Variants in NPSR1 observed in about 807,000 individuals in gnomAD.
NPSR1 encodes the protein neuropeptide S receptor 1.
A neutral mutation model predicts 46.9 loss-of-function variants in NPSR1; 48 were observed. The ratio of observed to expected loss-of-function variants is 1.02; its 90% CI spans 0.81 to 1.30. The LOEUF (loss-of-function observed/expected upper bound fraction) is 1.30, where lower values mean the gene tolerates loss of function less well. Among genes scored for constraint, NPSR1 ranks in the 50% most tolerant of loss-of-function variants. The probability of loss-of-function intolerance (pLI) is 0.00; values close to 1 mark genes in which losing one functional copy is unlikely to be tolerated. For synonymous variants in NPSR1, 176 were observed against 168.1 expected (o/e 1.05, Z -0.36); for missense variants, 450 against 449.5 (o/e 1.00, Z -0.01).
chr7:34,858,285 A>G (rs1168069796), intron 8 of NPSR1, among the ~76,000 whole-genome samples: 1 of 149,930 alleles, frequency 6.7e-6, no homozygotes, highest in East Asian at 2.5e-4. Context: ...GAGGCAAAAC[A>G]AATGCTTATT....
chr7:34,697,137 AT>A (rs577906106), intron 2 of NPSR1, among the ~76,000 whole-genome samples: 64 of 151,608 alleles, frequency 4.2e-4, no homozygotes, highest in African/African-American at 1.2e-3. Context: ...TGGATTCTTT[AT>A]TTTTTTTATA....
rs146289199 is a variant in NPSR1 at position 34,762,889 on chromosome 7, T to A, written c.281-15573T>A. Among the ~76,000 whole-genome samples the A allele has an allele frequency of 2.5e-4, 38 of 152,234 alleles. No homozygotes were observed. In the East Asian group the frequency reaches 6.4e-3, roughly 26 times the overall value. On this transcript the variant is annotated intron_variant, in intron 2 of 8. Coordinates refer to ENST00000360581, the MANE Select transcript of NPSR1 (RefSeq NM_207172.2). ...GTACGAGTCATCTCAAGAAAAAGAG[T>A]TACTCAGCTTGCTACGTATTCATTA...
Position 34,863,597 on chromosome 7 carries a change from T to C in NPSR1, c.1026-14479T>C, listed in dbSNP as rs533911863. Among the ~76,000 whole-genome samples, 8 of 151,920 alleles carry C rather than the reference T, an allele frequency of 5.3e-5. 1 individual carries two copies. The highest frequency in any genetic ancestry group is 1.7e-4 in the African/African-American group (7 of 41,198). On this transcript the variant is annotated intron_variant, in intron 8 of 8. Coordinates refer to the NPSR1 transcript ENST00000359791. Reference sequence around the variant, plus strand: ...AACAGACACTTCTCAAAAACAGACATTTATGCAGCTAACAAACGTATGAAA... The same window carrying C: ...AACAGACACTTCTCAAAAACAGACACTTATGCAGCTAACAAACGTATGAAA...
intron 2 of NPSR1, among the ~76,000 whole-genome samples, chr7:34,716,978 G>T (rs989471145): frequency 6.6e-6 from 1 of 152,198 alleles, no homozygotes; most frequent in African/African-American, 2.4e-5. Context: ...GCGAGGCAGT[G>T]CCTGCTTTGG....
At chr7:34,832,637 A>G (rs182579218) in intron 5 of NPSR1, among the ~76,000 whole-genome samples, 5 of 152,306 alleles carry the variant, frequency 3.3e-5, no homozygotes, top group Admixed American at 2.0e-4. Flanking sequence ...GCTAACAGAA[A>G]AGCTGGTACT....
chr7:34,712,871 G>A (rs900091404), intron 2 of NPSR1, among the ~76,000 whole-genome samples: 4 of 152,056 alleles, frequency 2.6e-5, no homozygotes, highest in Non-Finnish European at 5.9e-5. Context: ...TGATAGCCAC[G>A]TGCTCATTTG....
At chr7:34,678,407 A>T (rs777365786) in intron 1 of NPSR1, among the ~76,000 whole-genome samples, 5 of 151,960 alleles carry the variant, frequency 3.3e-5, no homozygotes, top group Admixed American at 1.3e-4. Context: ...TTTAAAGAAG[A>T]AATTGCTTTA....
intron 2 of NPSR1, among the ~76,000 whole-genome samples, chr7:34,744,027 T>A (rs561796717): frequency 6.6e-6 from 1 of 152,328 alleles, no homozygotes; most frequent in African/African-American, 2.4e-5. Flanking sequence ...TAAAATCTGC[T>A]CTATCCTTGC....
chr7:34,689,870 A>C (rs1793157680), intron 2 of NPSR1, among the ~76,000 whole-genome samples: 1 of 151,698 alleles, frequency 6.6e-6, no homozygotes, highest in Non-Finnish European at 1.5e-5. Context: ...ATTGGTGCCC[A>C]GAAGGTCAAG....
intron 2 of NPSR1, among the ~76,000 whole-genome samples, chr7:34,766,037 T>C (rs1359181680): frequency 6.6e-6 from 1 of 151,928 alleles, no homozygotes; most frequent in East Asian, 1.9e-4. Context: ...GAATCTAAAT[T>C]AAAGTTGAAA....
In NPSR1 at chr7:34,873,541, G is replaced by A. The variant is rs193163288; in HGVS notation, c.1026-4535G>A. ...GCTTACACCATGGTGAAAGGTGAAGGAGGAGCCAATGTGTCACATGGTCAG... is the reference window on the plus strand; with the variant it reads ...GCTTACACCATGGTGAAAGGTGAAGAAGGAGCCAATGTGTCACATGGTCAG... On this transcript the variant is annotated intron_variant, in intron 8 of 8. Transcript: ENST00000359791. Among the ~76,000 whole-genome samples the A allele has an allele frequency of 1.0e-3, 158 of 151,830 alleles. 4 individuals carry two copies. The highest frequency in any genetic ancestry group is 3.6e-3 in the African/African-American group (150 of 41,114).
chr7:34,713,465 TATAA>T (rs1258663199), intron 2 of NPSR1, among the ~76,000 whole-genome samples: 1 of 151,842 alleles, frequency 6.6e-6, no homozygotes, highest in African/African-American at 2.4e-5. Flanking sequence ...ATGTATTATT[TATAA>T]ATAATAATAT....
rs1242652427 is a variant in NPSR1, at chr7:34,870,903, AATGGATGGATGGATAG to A, written c.1026-7142_1026-7127del. On this transcript the variant is annotated intron_variant, in intron 8 of 8. Transcript: ENST00000359791. ...GGATGGATGGATGGATGGATGGATG[AATGGATGGATGGATAG>A]ATGGATGGATGGATAGATGGATGGA... Among the ~76,000 whole-genome samples the A allele has an allele frequency of 3.4e-4, 41 of 120,942 alleles. No homozygotes were observed. In the East Asian group the frequency reaches 5.0e-3, roughly 15 times the overall value. 79.3% of individuals were successfully genotyped at this position (120,942 alleles called of 152,430 possible). A position where few individuals can be genotyped will look rare whatever the true frequency, so the allele number is the denominator to read the frequency against.
chr7:34,804,533 T>C (rs1788591201), intron 3 of NPSR1, among the ~76,000 whole-genome samples: 1 of 152,034 alleles, frequency 6.6e-6, no homozygotes, highest in Non-Finnish European at 1.5e-5. Flanking sequence ...CTCAACTTCA[T>C]TAACAGCATC....
At chr7:34,682,925 C>A (rs2128682989) in intron 1 of NPSR1, among the ~76,000 whole-genome samples, 1 of 152,164 alleles carries the variant, frequency 6.6e-6, no homozygotes, top group Admixed American at 6.5e-5. Flanking sequence ...GTATGCTGGA[C>A]ACGATATATC....
intron 3 of NPSR1, among the ~76,000 whole-genome samples, chr7:34,791,268 TAA>T (rs981416224): frequency 2.2e-4 from 29 of 134,344 alleles, no homozygotes; most frequent in Non-Finnish European, 3.8e-4. Context: ...TTATATGTTA[TAA>T]GTTATATATA....
intron 4 of NPSR1, among the ~76,000 whole-genome samples, chr7:34,820,445 C>T (rs1046513404): frequency 1.3e-5 from 2 of 151,938 alleles, no homozygotes; most frequent in African/African-American, 2.4e-5. Flanking sequence ...ATAGGGGAGG[C>T]AGGAAATTGA....
Position 34,859,145 on chromosome 7 carries a change from C to T in NPSR1, c.1025+10482C>T, listed in dbSNP as rs1162077876. 4.0e-5 allele frequency among the ~76,000 whole-genome samples: 6 copies of T among 151,686 alleles called. 1 individual carries two copies. The highest frequency in any genetic ancestry group is 1.2e-4 in the African/African-American group (5 of 40,962). ...CAGCAGAGACAGCTGAAAGATCCTT[C>T]TCTGTGTTCAGAGCCATCATCTATC... is the stretch of plus-strand genomic sequence containing the variant. On this transcript the variant is annotated intron_variant, in intron 8 of 8. Transcript: ENST00000359791.
At chr7:34,877,779 G>C (rs13227229) in intron 8 of NPSR1, among the ~76,000 whole-genome samples, 19 of 152,262 alleles carry the variant, frequency 1.2e-4, no homozygotes, top group African/African-American at 3.6e-4. Context: ...GCTCAAAGAT[G>C]CTGTCCACAT....
Sources: gnomAD v4.1 joint callset for allele counts (sites outside exome capture counted in the v4.1 genomes callset) on GRCh38, gnomAD v4.1.1 for gene constraint, MANE v1.5 for transcripts, NCBI Gene and HGNC (gene_info 2026-07-23, HGNC 2026-07-21) for gene names.